SEC23IP: variants seen among roughly 807,000 people sequenced by gnomAD.
SEC23IP encodes SEC23-interacting protein.
SEC23IP carries 70 observed loss-of-function variants against 113.4 expected under a neutral mutation model. The observed-to-expected ratio is 0.62, with a 90% confidence interval of 0.51 to 0.75. The LOEUF (loss-of-function observed/expected upper bound fraction) is 0.75. SEC23IP is among the 30% of genes least tolerant of loss of function. The pLI, the probability that SEC23IP is intolerant of heterozygous loss-of-function variation, is 0.00. For missense variants in SEC23IP, 1,160 were observed against 1,204.9 expected (o/e 0.96, Z 0.55); for synonymous variants, 398 against 421.0 (o/e 0.95, Z 0.67).
chr10:119,892,740 T>C lies in SEC23IP; in HGVS notation c.-43T>C. The C allele has an allele frequency of 4.5e-6, 7 of 1,561,288 alleles. No individual in the cohort carries two copies. Among genetic ancestry groups the C allele is most frequent in the Non-Finnish European group, 6.1e-6 (7 of 1,151,922 alleles). ...GATCGGTTTCCGGTCAGTGGTGTGGTACCGGGTACCCGGAGACGTGTATCG... is the reference window on the plus strand; with the variant it reads ...GATCGGTTTCCGGTCAGTGGTGTGGCACCGGGTACCCGGAGACGTGTATCG... On this transcript the variant is annotated 5_prime_UTR_variant, in exon 1 of 19. Transcript: ENST00000369075.
chr10:119,909,853 T>A (rs1854802448), intron 5 of SEC23IP, among the ~76,000 whole-genome samples: 1 of 151,412 alleles, frequency 6.6e-6, no homozygotes, highest in South Asian at 2.1e-4. Context: ...TCACGCTCAC[T>A]CCAGCCTGGG....
Position 119,941,839 on chromosome 10 carries a change from G to A in SEC23IP, c.*1274G>A, listed in dbSNP as rs1056537401. On this transcript the variant is annotated 3_prime_UTR_variant, in exon 19 of 19. Transcript: ENST00000369075. The stretch of plus-strand genomic sequence containing the variant: ...CTTATATGGTCAGTATGTAACGTTA[G>A]CATTGGCTCCTAATGGTAGAATTAG... 6.5e-6 allele frequency: 1 copy of A among 152,688 alleles called. No individual in the cohort carries two copies. The highest frequency in any genetic ancestry group is 2.4e-5 in the African/African-American group (1 of 41,538). 9.5% of individuals were successfully genotyped at this position (152,688 alleles called of 1,614,324 possible). A position where few individuals can be genotyped will look rare whatever the true frequency, so the allele number is the denominator to read the frequency against.
chr10:119,918,165 A>G, intron 9 of SEC23IP, 121 bp downstream of exon 9: 1 of 842,498 alleles, frequency 1.2e-6, no homozygotes, highest in Non-Finnish European at 1.8e-6. Context: ...CAGAAAAGGT[A>G]GAAATGAATG....
chr10:119,904,371 C>T (rs2134463096), intron 4 of SEC23IP, 94 bp downstream of exon 4: 1 of 1,070,516 alleles, frequency 9.3e-7, no homozygotes, highest in Non-Finnish European at 1.4e-6. Flanking sequence ...GCGGACTTTA[C>T]TTACAAGACA....
chr10:119,907,095 G>A (rs1410703662), intron 4 of SEC23IP, among the ~76,000 whole-genome samples: 2 of 151,404 alleles, frequency 1.3e-5, no homozygotes, highest in African/African-American at 2.4e-5. Flanking sequence ...TTAGGATTTC[G>A]AGACCAGTCT....
chr10:119,926,454 G>A (rs1219774192), intron 13 of SEC23IP, among the ~76,000 whole-genome samples: 2 of 152,158 alleles, frequency 1.3e-5, no homozygotes, highest in Non-Finnish European at 2.9e-5. Context: ...CTCTATTTCA[G>A]TTTTCCCACC....
chr10:119,932,965 T>G, intron 16 of SEC23IP, 40 bp from the exon 17 acceptor site: 2 of 1,576,682 alleles, frequency 1.3e-6, no homozygotes, highest in Non-Finnish European at 1.7e-6. Context: ...GGATAAAGAT[T>G]AAGTGATTGA....
At chr10:119,907,182 G>A (rs1854701807) in intron 4 of SEC23IP, among the ~76,000 whole-genome samples, 1 of 151,894 alleles carries the variant, frequency 6.6e-6, no homozygotes, top group Admixed American at 6.6e-5. Context: ...TGTAATCCCA[G>A]CTACTCAGGA....
At chr10:119,892,984 G>A (rs2134440860) in intron 1 of SEC23IP, 39 bp downstream of exon 1, 1 of 1,584,776 alleles carries the variant, frequency 6.3e-7, no homozygotes, top group Non-Finnish European at 8.6e-7. Flanking sequence ...GGTGGGAGGC[G>A]GGCGGGGGAC....
chr10:119,905,965 G>A (rs966889315), intron 4 of SEC23IP, among the ~76,000 whole-genome samples: 1 of 152,032 alleles, frequency 6.6e-6, no homozygotes, highest in African/African-American at 2.4e-5. Flanking sequence ...ACTGAAGAAC[G>A]TAAAAGGTGA....
intron 3 of SEC23IP, among the ~76,000 whole-genome samples, chr10:119,903,528 A>G (rs572685612): frequency 5.1e-4 from 77 of 152,164 alleles, no homozygotes; most frequent in Non-Finnish European, 8.7e-4. Context: ...TTGTATGTAG[A>G]TATTATTGTT....
intron 16 of SEC23IP, 125 bp from the exon 17 acceptor site, chr10:119,932,880 G>A: frequency 1.3e-6 from 1 of 764,650 alleles, no homozygotes; most frequent in South Asian, 2.0e-5. Context: ...CGGGGAGTGA[G>A]CCTGGTAGCT....
Position 119,902,797 on chromosome 10 carries a change from A to G in SEC23IP, c.697-2A>G, listed in dbSNP as rs924642108. ...CAGTCTTAACTTTGCCGTCCCCTCC[A>G]GGTTCCTTCTTCAGTGCAGTCACCG... On this transcript the variant is annotated splice_acceptor_variant, in intron 2 of 18. Transcript: ENST00000369075. LOFTEE classifies it high-confidence loss of function. 3 of 1,613,540 alleles carry G rather than the reference A, an allele frequency of 1.9e-6. No homozygotes were observed. Among genetic ancestry groups the G allele is most frequent in the African/African-American group, 1.3e-5 (1 of 74,994 alleles).
chr10:119,936,828 G>A (rs1324154511), intron 18 of SEC23IP, among the ~76,000 whole-genome samples: 1 of 151,476 alleles, frequency 6.6e-6, no homozygotes, highest in Non-Finnish European at 1.5e-5. Context: ...GCCTGTTCAT[G>A]ACCTTTGTGT....
At chr10:119,894,228 C>T (rs1450121415) in intron 1 of SEC23IP, among the ~76,000 whole-genome samples, 1 of 152,210 alleles carries the variant, frequency 6.6e-6, no homozygotes, top group Non-Finnish European at 1.5e-5. Flanking sequence ...GCAGCTATGA[C>T]CTAATTGCCT....
intron 1 of SEC23IP, among the ~76,000 whole-genome samples, chr10:119,895,250 G>T (rs1291978781): frequency 6.6e-6 from 1 of 152,156 alleles, no homozygotes; most frequent in East Asian, 1.9e-4. Context: ...TGGATGTGGT[G>T]GTGGGCGCCT....
At chr10:119,919,368 A>G in intron 10 of SEC23IP, 76 bp from the exon 11 acceptor site, 1 of 1,322,846 alleles carries the variant, frequency 7.6e-7, no homozygotes, top group South Asian at 1.4e-5. Context: ...ATTGTTTGAG[A>G]GTTTTCGTAG....
rs138917087 is a variant in SEC23IP at position 119,936,927 on chromosome 10, G to C, written c.*20+3140G>C. Reference sequence around the variant, plus strand: ...TTTTAAGACGGAGTCTTGCTTTGTCGCCCAGGCTGTAGTGCAGTGGCGTGA... The same window carrying C: ...TTTTAAGACGGAGTCTTGCTTTGTCCCCCAGGCTGTAGTGCAGTGGCGTGA... On this transcript the variant is annotated intron_variant, in intron 18 of 18. Coordinates refer to ENST00000369075, the MANE Select transcript of SEC23IP (RefSeq NM_007190.4). Among the ~76,000 whole-genome samples the C allele has an allele frequency of 3.1e-3, 460 of 150,544 alleles. 2 individuals are homozygous for C. Among genetic ancestry groups the C allele is most frequent in the African/African-American group, 0.011 (437 of 40,886 alleles).
At chr10:119,918,173 A>G (rs1304232323) in intron 9 of SEC23IP, 129 bp downstream of exon 9, 1 of 809,240 alleles carries the variant, frequency 1.2e-6, no homozygotes, top group Non-Finnish European at 1.9e-6. Flanking sequence ...GTAGAAATGA[A>G]TGCTCTGAGT....
Sources: gnomAD v4.1 joint callset for allele counts (sites outside exome capture counted in the v4.1 genomes callset) on GRCh38, gnomAD v4.1.1 for gene constraint, MANE v1.5 for transcripts, NCBI Gene and HGNC (gene_info 2026-07-23, HGNC 2026-07-21) for gene names.